Variants in BAZ2B observed in about 807,000 individuals in gnomAD.
BAZ2B encodes the protein bromodomain adjacent to zinc finger domain 2B.
BAZ2B carries 91 observed loss-of-function variants against 246.0 expected under a neutral mutation model. That is an observed-to-expected ratio of 0.37 (90% CI 0.31 to 0.44). The LOEUF is 0.44. BAZ2B is among the 20% of genes least tolerant of loss of function. The pLI, the probability that BAZ2B is intolerant of heterozygous loss-of-function variation, is 1.00. For synonymous variants in BAZ2B, 855 were observed against 860.0 expected (o/e 0.99, Z 0.10); for missense variants, 2,332 against 2,533.7 (o/e 0.92, Z 1.71).
intron 33 of BAZ2B, among the ~76,000 whole-genome samples, chr2:159,335,634 G>A (rs1323602496): frequency 2.0e-5 from 3 of 151,772 alleles, no homozygotes; most frequent in Non-Finnish European, 4.4e-5. Flanking sequence ...CAGATTCATA[G>A]ATGTTTTAGG....
chr2:159,540,519 T>G (rs2086536985), intron 2 of BAZ2B, among the ~76,000 whole-genome samples: 2 of 152,248 alleles, frequency 1.3e-5, no homozygotes, highest in Admixed American at 1.3e-4. Context: ...GTTTCTGTCA[T>G]TCAATCAACT....
At chr2:159,584,953 C>T (rs1194898789) in intron 1 of BAZ2B, among the ~76,000 whole-genome samples, 4 of 152,170 alleles carry the variant, frequency 2.6e-5, no homozygotes, top group Non-Finnish European at 5.9e-5. Flanking sequence ...CCTTTGCCTG[C>T]TGTCATGATT....
chr2:159,497,977 T>C (rs952503449), intron 2 of BAZ2B, among the ~76,000 whole-genome samples: 5 of 152,224 alleles, frequency 3.3e-5, no homozygotes, highest in Non-Finnish European at 7.3e-5. Context: ...GGGTCCCAAC[T>C]TCCCATCTTT....
chr2:159,690,157 G>T, the BAZ2B span: 1 of 472,972 alleles, frequency 2.1e-6, no homozygotes, highest in South Asian at 2.2e-5. Flanking sequence ...ATGCAGTTTT[G>T]GTTCCTTGGA....
intron 3 of BAZ2B, among the ~76,000 whole-genome samples, chr2:159,466,289 C>T (rs145516565): frequency 3.3e-5 from 5 of 152,304 alleles, no homozygotes; most frequent in African/African-American, 1.2e-4. Context: ...GAGCAATGCA[C>T]AGCACAGCTC....
At chr2:159,689,279 T>G in the BAZ2B span, 1 of 467,578 alleles carries the variant, frequency 2.1e-6, no homozygotes. Context: ...ACCTGTCTCA[T>G]CCCCAGTGGC....
chr2:159,689,772 C>A, the BAZ2B span: 1 of 504,718 alleles, frequency 2.0e-6, no homozygotes, highest in East Asian at 4.0e-5. Context: ...AATTTATTGA[C>A]CACTTCTTTC....
intron 2 of BAZ2B, among the ~76,000 whole-genome samples, chr2:159,499,447 A>G (rs2081482724): frequency 6.6e-6 from 1 of 152,162 alleles, no homozygotes; most frequent in Non-Finnish European, 1.5e-5. Flanking sequence ...AGTTGAGTCC[A>G]TATCTCTGCA....
At chr2:159,702,394 T>A in the BAZ2B span, among the ~76,000 whole-genome samples, 1 of 152,198 alleles carries the variant, frequency 6.6e-6, no homozygotes, top group South Asian at 2.1e-4. Context: ...TTAAAAACTC[T>A]TTGCCCAGAC....
At chr2:159,700,053 T>C in the BAZ2B span, among the ~76,000 whole-genome samples, 1 of 152,232 alleles carries the variant, frequency 6.6e-6, no homozygotes, top group African/African-American at 2.4e-5. Flanking sequence ...TCTGCCCTTA[T>C]GACTTAATCA....
chr2:159,551,183 T>C (rs1023864039), intron 2 of BAZ2B, among the ~76,000 whole-genome samples: 3 of 152,188 alleles, frequency 2.0e-5, no homozygotes, highest in South Asian at 4.2e-4. Flanking sequence ...ATTTAAAAGG[T>C]TGCCGGCCGG....
intron 1 of BAZ2B, among the ~76,000 whole-genome samples, chr2:159,565,180 T>C (rs2151522685): frequency 6.6e-6 from 1 of 152,036 alleles, no homozygotes; most frequent in Non-Finnish European, 1.5e-5. Context: ...TCAAGACAAA[T>C]TTCACTGGTG....
intron 2 of BAZ2B, among the ~76,000 whole-genome samples, chr2:159,526,303 T>C (rs2084727521): frequency 6.6e-6 from 1 of 152,000 alleles, no homozygotes; most frequent in African/African-American, 2.4e-5. Context: ...AGAAAGAAAT[T>C]AGGCAACATA....
At chr2:159,360,998 C>A (rs962213600) in intron 27 of BAZ2B, among the ~76,000 whole-genome samples, 1 of 152,118 alleles carries the variant, frequency 6.6e-6, no homozygotes. Context: ...CATAAAAACC[C>A]TAGAACAAAA....
intron 3 of BAZ2B, among the ~76,000 whole-genome samples, chr2:159,473,474 G>A (rs1208686840): frequency 6.6e-6 from 1 of 151,902 alleles, no homozygotes; most frequent in East Asian, 1.9e-4. Flanking sequence ...TATTAGTCTG[G>A]CTAGCAGTCT....
chr2:159,504,033 G>T (rs535503337), intron 2 of BAZ2B, among the ~76,000 whole-genome samples: 3 of 151,958 alleles, frequency 2.0e-5, no homozygotes, highest in African/African-American at 7.2e-5. Context: ...ATGTTGATTA[G>T]TATATTTATC....
In BAZ2B at chr2:159,348,789, T is replaced by C. The variant is rs772454474; in HGVS notation, c.5182A>G (p.Lys1728Glu). 1.2e-5 allele frequency: 20 copies of C among 1,612,428 alleles called. No homozygotes were observed. The highest frequency in any genetic ancestry group is 1.7e-5 in the Non-Finnish European group (20 of 1,179,654). The change falls in exon 30 of 37, where the codon AAA (lysine) becomes GAA (glutamate). Residue 1728 changes from lysine (K) to glutamate (E), a missense_variant. This residue lies in a region of BAZ2B where 676 missense variants were observed against 668.6 expected (regional missense o/e 1.01). Coordinates refer to ENST00000392783, the MANE Select transcript of BAZ2B (RefSeq NM_013450.4). ...AGATGCAGCACTTTGAGCAAAGCTTTTAGGTCCTCTGGGTCAATAATTCTC... is the reference window on the plus strand; with the variant it reads ...AGATGCAGCACTTTGAGCAAAGCTTCTAGGTCCTCTGGGTCAATAATTCTC... ...WWRIIDPEDLKALLKVLHLRG... is the reference protein window; with the variant it reads ...WWRIIDPEDLEALLKVLHLRG...
At chr2:159,323,736 A>G (rs174222) in intron 36 of BAZ2B, among the ~76,000 whole-genome samples, 91,757 of 150,922 alleles carry the variant, frequency 0.61, 29,259 homozygotes, top group East Asian at 0.95. Flanking sequence ...CCCGGGAGGC[A>G]GAGATTGCAG....
At chr2:159,681,293 G>A in the BAZ2B span, among the ~76,000 whole-genome samples, 62 of 152,104 alleles carry the variant, frequency 4.1e-4, no homozygotes, top group Admixed American at 1.5e-3. Flanking sequence ...AAGTCTGACA[G>A]ATTTTAAAAG....
Sources: allele counts gnomAD v4.1 joint callset (sites outside exome capture counted in the v4.1 genomes callset), GRCh38; gene constraint gnomAD v4.1.1; regional missense constraint gnomAD v4.1.1; transcripts MANE v1.5; gene names NCBI Gene and HGNC (gene_info 2026-07-23, HGNC 2026-07-21).